PDGFRL: variants seen among roughly 807,000 people sequenced by gnomAD.
The protein encoded by PDGFRL is platelet-derived growth factor receptor-like protein.
Under a neutral mutation model 37.2 loss-of-function variants are expected in PDGFRL, and 46 were observed. That is an observed-to-expected ratio of 1.24 (90% CI 0.98 to 1.58). The LOEUF is 1.58. PDGFRL is among the 40% of genes most tolerant of loss of function. PDGFRL has a pLI of 0.00. For synonymous variants in PDGFRL, 251 were observed against 184.3 expected (o/e 1.36, Z -2.93); for missense variants, 692 against 467.6 (o/e 1.48, Z -4.43).
At chr8:17,641,454 T>TA (rs1563534106) in intron 5 of PDGFRL, among the ~76,000 whole-genome samples, 3 of 152,164 alleles carry the variant, frequency 2.0e-5, no homozygotes, top group Non-Finnish European at 2.9e-5. Flanking sequence ...AGAGAGCCCA[T>TA]AGGGCTCTTT....
intron 2 of PDGFRL, among the ~76,000 whole-genome samples, chr8:17,613,723 G>A (rs1172427113): frequency 6.6e-6 from 1 of 152,104 alleles, no homozygotes; most frequent in Non-Finnish European, 1.5e-5. Flanking sequence ...ACAGAAAAAT[G>A]CTAAAATTAG....
intron 2 of PDGFRL, among the ~76,000 whole-genome samples, chr8:17,604,395 C>G (rs571508552): frequency 1.1e-3 from 170 of 152,304 alleles, no homozygotes; most frequent in African/African-American, 4.0e-3. Flanking sequence ...CCATGGAATA[C>G]TATGCAGCCA....
At chr8:17,614,163 A>AT (rs2129732407) in intron 2 of PDGFRL, among the ~76,000 whole-genome samples, 1 of 149,008 alleles carries the variant, frequency 6.7e-6, no homozygotes, top group African/African-American at 2.6e-5. Context: ...AGATTGATAG[A>AT]TGATAGAGGA....
rs889130107 is a variant in PDGFRL at position 17,590,993 on chromosome 8, C to T, written c.353+1228C>T. 8.6e-5 allele frequency among the ~76,000 whole-genome samples: 13 copies of T among 151,694 alleles called. No individual in the cohort carries two copies. The East Asian group carries it at 1.2e-3, about 14-fold the overall frequency. On this transcript the variant is annotated intron_variant, in intron 2 of 5. Transcript: ENST00000251630. ...CGCCTCCCGGGTTCACACCATTCTC[C>T]TGCCTCAGCCTCCCAAGTAGCTGGG...
chr8:17,604,393 T>C (rs908722497), intron 2 of PDGFRL, among the ~76,000 whole-genome samples: 12 of 152,186 alleles, frequency 7.9e-5, no homozygotes, highest in African/African-American at 2.9e-4. Context: ...CACCATGGAA[T>C]ACTATGCAGC....
intron 1 of PDGFRL, among the ~76,000 whole-genome samples, chr8:17,581,875 C>T (rs1803715249): frequency 3.3e-5 from 5 of 152,080 alleles, no homozygotes; most frequent in Admixed American, 3.3e-4. Context: ...AATGAACTAA[C>T]ACAGAAAATT....
chr8:17,589,394 A>T lies in PDGFRL; in HGVS notation c.56-74A>T, dbSNP rs1803883279. On this transcript the variant is annotated intron_variant, in intron 1 of 5. Transcript: ENST00000251630. ...GAGTAAGAATCTGTCTCAAAAAAAA[A>T]AAAAAGTTATTGGCCTCAAATATTC... is the stretch of plus-strand genomic sequence containing the variant. 5.1e-6 allele frequency: 6 copies of T among 1,185,440 alleles called. No homozygotes were observed. In the South Asian group the frequency reaches 7.3e-5, roughly 14 times the overall value. The allele number at this position is 1,185,440 out of a possible 1,614,324, so 73.4% of individuals were successfully genotyped here. A position where few individuals can be genotyped will look rare whatever the true frequency, so the allele number is the denominator to read the frequency against.
At chr8:17,636,762 C>A (rs1804978098) in intron 5 of PDGFRL, among the ~76,000 whole-genome samples, 1 of 152,046 alleles carries the variant, frequency 6.6e-6, no homozygotes, top group African/African-American at 2.4e-5. Context: ...CGATGTGTTT[C>A]CATTTGTTTG....
rs561826379 is a variant in PDGFRL, at chr8:17,613,506, C to T, written c.354-7545C>T. The stretch of plus-strand genomic sequence containing the variant: ...GGACCTGCAGGGGTGAGAGTGATGC[C>T]GGCAGGGCTGGAGGGATGTAGCGTG... On this transcript the variant is annotated intron_variant, in intron 2 of 5. Transcript: ENST00000251630. Among the ~76,000 whole-genome samples the T allele has an allele frequency of 2.7e-3, 415 of 152,190 alleles. 2 individuals carry two copies. Among genetic ancestry groups the T allele is most frequent in the African/African-American group, 9.6e-3 (397 of 41,514 alleles).
Position 17,589,487 on chromosome 8 carries a change from C to G in PDGFRL, c.75C>G (p.Pro25=). ...ALEDVTGQHL[P]KNKRPKEPGE... is the part of the protein sequence containing the mutation. ...TTGCAGTTACTGGCCAACACCTTCCCAAGAACAAGCGTCCAAAAGAACCAG... is the reference window on the plus strand; with the variant it reads ...TTGCAGTTACTGGCCAACACCTTCCGAAGAACAAGCGTCCAAAAGAACCAG... Residue 25 remains proline, a synonymous_variant, in exon 2 of 6, where the codon CCC becomes CCG. Coordinates refer to ENST00000251630, the MANE Select transcript of PDGFRL (RefSeq NM_001372073.1). 6.2e-7 allele frequency: 1 copy of G among 1,613,266 alleles called. No homozygotes were observed. The highest frequency in any genetic ancestry group is 8.5e-7 in the Non-Finnish European group (1 of 1,179,526).
intron 2 of PDGFRL, among the ~76,000 whole-genome samples, chr8:17,601,639 G>T (rs116296480): frequency 0.016 from 2,467 of 152,088 alleles, 68 homozygotes; most frequent in African/African-American, 0.056. Flanking sequence ...CTTCAAGTGG[G>T]CCCCTGTGTC....
At chr8:17,614,012 T>C (rs866075653) in intron 2 of PDGFRL, among the ~76,000 whole-genome samples, 2 of 152,332 alleles carry the variant, frequency 1.3e-5, no homozygotes, top group African/African-American at 4.8e-5. Flanking sequence ...TTTTGAATAG[T>C]TCCTTGGATA....
chr8:17,618,513 G>C (rs1804572530), intron 2 of PDGFRL, among the ~76,000 whole-genome samples: 2 of 152,192 alleles, frequency 1.3e-5, no homozygotes, highest in Admixed American at 1.3e-4. Context: ...AAGGGGCTTT[G>C]TATGTATTTT....
At chr8:17,603,217 CA>C (rs1804202724) in intron 2 of PDGFRL, among the ~76,000 whole-genome samples, 1 of 152,144 alleles carries the variant, frequency 6.6e-6, no homozygotes, top group South Asian at 2.1e-4. Flanking sequence ...CTGTTGACCT[CA>C]AGTGATCCAC....
At chr8:17,622,456 G>A (rs986685421) in intron 3 of PDGFRL, among the ~76,000 whole-genome samples, 6 of 152,140 alleles carry the variant, frequency 3.9e-5, no homozygotes, top group Non-Finnish European at 8.8e-5. Flanking sequence ...CCCAAAGGAT[G>A]TTATGCCCTG....
At chr8:17,627,771 T>C (rs1459112805) in intron 3 of PDGFRL, among the ~76,000 whole-genome samples, 1 of 151,292 alleles carries the variant, frequency 6.6e-6, no homozygotes, top group Non-Finnish European at 1.5e-5. Context: ...CCACCACGCC[T>C]GGCCAGATTG....
intron 5 of PDGFRL, among the ~76,000 whole-genome samples, chr8:17,638,528 G>A (rs577639994): frequency 2.0e-4 from 30 of 151,370 alleles, no homozygotes; most frequent in Non-Finnish European, 3.5e-4. Context: ...GCAGTTGTTG[G>A]GTCGAATGTT....
intron 4 of PDGFRL, among the ~76,000 whole-genome samples, chr8:17,632,048 G>A (rs1214894420): frequency 6.6e-6 from 1 of 152,162 alleles, no homozygotes; most frequent in Non-Finnish European, 1.5e-5. Context: ...TGCCATCCCT[G>A]GCCTCAGTGC....
At chr8:17,598,249 G>T (rs564718341) in intron 2 of PDGFRL, among the ~76,000 whole-genome samples, 2 of 152,360 alleles carry the variant, frequency 1.3e-5, no homozygotes, top group Non-Finnish European at 2.9e-5. Context: ...AAAGTGGTGT[G>T]TGATCAGTAG....
Sources: gnomAD v4.1 joint callset for allele counts (sites outside exome capture counted in the v4.1 genomes callset) on GRCh38, gnomAD v4.1.1 for gene constraint, MANE v1.5 for transcripts, NCBI Gene and HGNC (gene_info 2026-07-23, HGNC 2026-07-21) for gene names.